Variants in TRAPPC3L observed in about 807,000 individuals in gnomAD.
TRAPPC3L encodes trafficking protein particle complex subunit 3-like protein.
A neutral mutation model predicts 23.7 loss-of-function variants in TRAPPC3L; 23 were observed. That is an observed-to-expected ratio of 0.97 (90% CI 0.70 to 1.37). TRAPPC3L has a LOEUF of 1.37. TRAPPC3L is among the 40% of genes most tolerant of loss of function. TRAPPC3L has a pLI of 0.00. For missense variants in TRAPPC3L, 212 were observed against 216.8 expected (o/e 0.98, Z 0.14); for synonymous variants, 81 against 77.9 (o/e 1.04, Z -0.21).
At position 116,496,688 on chromosome 6, in the gene TRAPPC3L, T is replaced by C. The variant is rs1771837496; in HGVS notation, c.*266A>G. 1 of 324,180 alleles carries C rather than the reference T, an allele frequency of 3.1e-6. No homozygotes were observed. The highest frequency in any genetic ancestry group is 5.2e-5 in the Admixed American group (1 of 19,312). The allele number at this position is 324,180 out of a possible 1,614,324, so 20.1% of individuals were successfully genotyped here. ...AATGAACAGCTTCTCTGAGGATGGA[T>C]AGTGTAAGATGTGGAATTCCTGCCT... On this transcript the variant is annotated 3_prime_UTR_variant, in exon 5 of 5. Transcript: ENST00000368602.
At chr6:116,532,126 T>C (rs1370365718) in intron 3 of TRAPPC3L, among the ~76,000 whole-genome samples, 3 of 152,288 alleles carry the variant, frequency 2.0e-5, no homozygotes, top group African/African-American at 4.8e-5. Context: ...CTTCTGCATG[T>C]AGTGTTAGTA....
chr6:116,504,312 C>G (rs922798679), intron 3 of TRAPPC3L, among the ~76,000 whole-genome samples: 4 of 152,024 alleles, frequency 2.6e-5, no homozygotes, highest in African/African-American at 9.7e-5. Context: ...ACACATACAC[C>G]CTCCCAAGAC....
chr6:116,515,315 A>T (rs1772201307), intron 3 of TRAPPC3L, among the ~76,000 whole-genome samples: 1 of 152,190 alleles, frequency 6.6e-6, no homozygotes, highest in Non-Finnish European at 1.5e-5. Context: ...AGTCTTATGT[A>T]ATCTATACTT....
chr6:116,543,470 A>G (rs1773586092), intron 1 of TRAPPC3L, 70 bp from the exon 2 acceptor site: 2 of 1,315,998 alleles, frequency 1.5e-6, no homozygotes, highest in Non-Finnish European at 2.1e-6. Flanking sequence ...TCTTTTGTTT[A>G]TAAAATCTGG....
chr6:116,515,923 T>G, intron 3 of TRAPPC3L: 1 of 1,613,582 alleles, frequency 6.2e-7, no homozygotes, highest in Non-Finnish European at 8.5e-7. Context: ...TGGACAATGG[T>G]CTGCAACTTA....
intron 3 of TRAPPC3L, chr6:116,519,548 T>G (rs1014441011): frequency 6.6e-6 from 1 of 152,204 alleles, no homozygotes; most frequent in Admixed American, 6.5e-5. Context: ...TACTAATGTT[T>G]GCCATAACAG....
At chr6:116,544,649 G>T (rs962555281) in intron 1 of TRAPPC3L, among the ~76,000 whole-genome samples, 2 of 152,078 alleles carry the variant, frequency 1.3e-5, no homozygotes, top group Admixed American at 1.3e-4. Context: ...AGTGATTTCG[G>T]TATAATATGA....
At chr6:116,508,742 T>A (rs1020582490) in intron 3 of TRAPPC3L, among the ~76,000 whole-genome samples, 5 of 152,096 alleles carry the variant, frequency 3.3e-5, no homozygotes, top group African/African-American at 1.2e-4. Context: ...AGGGGGAAAG[T>A]TGAAGGCATT....
chr6:116,512,168 T>C (rs1772135567), intron 3 of TRAPPC3L: 1 of 1,612,420 alleles, frequency 6.2e-7, no homozygotes, highest in African/African-American at 1.3e-5. Context: ...CAAAGTATCT[T>C]GTGGCAAAAC....
At chr6:116,499,762 C>T (rs746377542) in intron 4 of TRAPPC3L, among the ~76,000 whole-genome samples, 1 of 152,180 alleles carries the variant, frequency 6.6e-6, no homozygotes, top group Non-Finnish European at 1.5e-5. Context: ...TTTAGAGTTT[C>T]CTTAGGAAGT....
intron 3 of TRAPPC3L, chr6:116,511,954 A>G (rs1207361302): frequency 6.2e-7 from 1 of 1,613,966 alleles, no homozygotes; most frequent in South Asian, 1.1e-5. Context: ...ATCCCAGGAA[A>G]ATCTTTCCCA....
intron 2 of TRAPPC3L, 71 bp from the exon 3 acceptor site, chr6:116,540,533 C>T: frequency 1.4e-6 from 2 of 1,445,760 alleles, no homozygotes; most frequent in Non-Finnish European, 1.9e-6. Context: ...TTTTAAGAAG[C>T]GATTTGTGTG....
intron 3 of TRAPPC3L, among the ~76,000 whole-genome samples, chr6:116,511,183 G>GATATATATATATATAT (rs59420398): frequency 7.8e-4 from 111 of 141,494 alleles, no homozygotes; most frequent in Middle Eastern, 3.6e-3. Context: ...AAAAGCTATT[G>GATATATATATATATAT]ATATATATAT....
At chr6:116,499,817 A>C (rs951452695) in intron 4 of TRAPPC3L, among the ~76,000 whole-genome samples, 7 of 152,162 alleles carry the variant, frequency 4.6e-5, no homozygotes, top group Non-Finnish European at 2.9e-5. Flanking sequence ...CCTTAATTAT[A>C]CTTCTTTGTA....
chr6:116,527,806 C>G (rs767923796), intron 3 of TRAPPC3L, among the ~76,000 whole-genome samples: 2 of 152,180 alleles, frequency 1.3e-5, no homozygotes, highest in African/African-American at 4.8e-5. Flanking sequence ...CAAAACTTCT[C>G]CCCTAGGAGG....
At chr6:116,516,672 T>G (rs1324998099) in intron 3 of TRAPPC3L, 1 of 48,314 alleles carries the variant, frequency 2.1e-5, no homozygotes, top group African/African-American at 6.4e-5. Flanking sequence ...TATATATATA[T>G]ATATATATAT....
chr6:116,511,239 C>A (rs1772112953), intron 3 of TRAPPC3L, among the ~76,000 whole-genome samples: 1 of 147,816 alleles, frequency 6.8e-6, no homozygotes, highest in African/African-American at 2.5e-5. Context: ...AAAAAGACAG[C>A]AAATCCCTGT....
intron 3 of TRAPPC3L, among the ~76,000 whole-genome samples, chr6:116,504,524 T>C (rs908951251): frequency 6.6e-6 from 1 of 152,214 alleles, no homozygotes; most frequent in Non-Finnish European, 1.5e-5. Flanking sequence ...CCTCCCTAAC[T>C]CATTTTATGA....
rs1771823747 is a variant in TRAPPC3L, at chr6:116,495,641, C to G, written c.*1313G>C. 2 of 152,120 alleles carry G rather than the reference C, an allele frequency of 1.3e-5. No homozygotes were observed. Among genetic ancestry groups the G allele is most frequent in the South Asian group, 4.1e-4 (2 of 4,832 alleles). 9.4% of individuals were successfully genotyped at this position (152,120 alleles called of 1,614,324 possible). Reference sequence around the variant, plus strand: ...AATTTACATTCCCACCAACAGTGTACCAGAGTTCCCTCTTCTCCACATCTT... The same window carrying G: ...AATTTACATTCCCACCAACAGTGTAGCAGAGTTCCCTCTTCTCCACATCTT... On this transcript the variant is annotated 3_prime_UTR_variant, in exon 5 of 5. Transcript: ENST00000368602.
Sources: allele counts gnomAD v4.1 joint callset (sites outside exome capture counted in the v4.1 genomes callset), GRCh38; gene constraint gnomAD v4.1.1; transcripts MANE v1.5; gene names NCBI Gene and HGNC (gene_info 2026-07-23, HGNC 2026-07-21).